ZFHX3: variants seen among roughly 807,000 people sequenced by gnomAD.
ZFHX3 encodes zinc finger homeobox protein 3.
Under a neutral mutation model 279.1 loss-of-function variants are expected in ZFHX3, and 42 were observed. The ratio of observed to expected loss-of-function variants is 0.15; its 90% CI spans 0.12 to 0.19. The LOEUF is 0.19. Among genes scored for constraint, ZFHX3 ranks in the 10% least tolerant of loss-of-function variants. The pLI, the probability that ZFHX3 is intolerant of heterozygous loss-of-function variation, is 1.00. For missense variants in ZFHX3, 4,981 were observed against 4,754.0 expected, an observed-to-expected ratio of 1.05 and a Z score of -1.40; for synonymous variants, 2,293 against 1,957.8, an observed-to-expected ratio of 1.17 and a Z score of -4.52.
intron 1 of ZFHX3, among the ~76,000 whole-genome samples, chr16:73,857,326 GA>G (rs1416936831): frequency 2.6e-5 from 4 of 152,154 alleles, no homozygotes; most frequent in South Asian, 2.1e-4. Flanking sequence ...GAGAATAAAT[GA>G]GTAAAGATGG....
intron 3 of ZFHX3, among the ~76,000 whole-genome samples, chr16:73,385,291 G>T (rs2016879592): frequency 6.6e-6 from 1 of 152,078 alleles, no homozygotes; most frequent in South Asian, 2.1e-4. Flanking sequence ...ATTCAGATAG[G>T]AAAAATTACT....
chr16:72,893,167 A>G (rs2038815230), intron 3 of ZFHX3, among the ~76,000 whole-genome samples: 1 of 152,242 alleles, frequency 6.6e-6, no homozygotes, highest in Non-Finnish European at 1.5e-5. Flanking sequence ...AACTGAGTGA[A>G]TAAAAGATGG....
chr16:73,560,293 G>A (rs1372275879), intron 2 of ZFHX3, among the ~76,000 whole-genome samples: 1 of 152,060 alleles, frequency 6.6e-6, no homozygotes, highest in Non-Finnish European at 1.5e-5. Flanking sequence ...TCCTTCCGCC[G>A]CTGACATACA....
chr16:73,439,784 AG>A (rs2018054632), intron 3 of ZFHX3, among the ~76,000 whole-genome samples: 1 of 151,032 alleles, frequency 6.6e-6, no homozygotes, highest in Non-Finnish European at 1.5e-5. Flanking sequence ...TTGGAGTTTG[AG>A]GGGCTCAGAG....
intron 3 of ZFHX3, among the ~76,000 whole-genome samples, chr16:73,361,672 G>A (rs1048758487): frequency 1.3e-5 from 2 of 152,156 alleles, no homozygotes; most frequent in Admixed American, 1.3e-4. Flanking sequence ...CACTGTAAAA[G>A]TTAGCAAGTT....
At chr16:73,146,204 C>T (rs971391777) in intron 5 of ZFHX3, among the ~76,000 whole-genome samples, 3 of 151,976 alleles carry the variant, frequency 2.0e-5, no homozygotes, top group South Asian at 2.1e-4. Context: ...CTGAGATGGG[C>T]GGATCACAAG....
chr16:72,953,869 C>A (rs924100870), intron 2 of ZFHX3, among the ~76,000 whole-genome samples: 1 of 152,148 alleles, frequency 6.6e-6, no homozygotes, highest in Admixed American at 6.5e-5. Context: ...GCCTGGCCAG[C>A]ATTCTAGGCT....
At chr16:73,478,316 A>C (rs776623785) in intron 2 of ZFHX3, among the ~76,000 whole-genome samples, 5 of 151,870 alleles carry the variant, frequency 3.3e-5, no homozygotes, top group South Asian at 2.1e-4. Flanking sequence ...GCCATATGAC[A>C]TGCCTGAACA....
chr16:73,690,394 C>A (rs2053137030), intron 1 of ZFHX3, among the ~76,000 whole-genome samples: 1 of 152,158 alleles, frequency 6.6e-6, no homozygotes, highest in Non-Finnish European at 1.5e-5. Context: ...AAGAAAATTT[C>A]AAATCAATTT....
chr16:73,212,161 A>T (rs2012042424), intron 5 of ZFHX3, among the ~76,000 whole-genome samples: 1 of 139,670 alleles, frequency 7.2e-6, no homozygotes, highest in Non-Finnish European at 1.5e-5. Context: ...GATAAGCAAA[A>T]AGAAAAAAAA....
intron 1 of ZFHX3, among the ~76,000 whole-genome samples, chr16:72,968,061 A>T (rs930412105): frequency 6.6e-6 from 1 of 151,956 alleles, no homozygotes; most frequent in Non-Finnish European, 1.5e-5. Flanking sequence ...CCTGGCAGAC[A>T]CCACCTTCAT....
Position 73,134,895 on chromosome 16 carries a change from T to G in ZFHX3, c.-1023-3801A>C, listed in dbSNP as rs572507503. On this transcript the variant is annotated intron_variant, in intron 6 of 17. Transcript: ENST00000641206. ...CTTCTCCCTTCTAGCATGAGAATGCTTTGAAGTCAGGCCCAAGCAGCAACT... is the reference window on the plus strand; with the variant it reads ...CTTCTCCCTTCTAGCATGAGAATGCGTTGAAGTCAGGCCCAAGCAGCAACT... Among the ~76,000 whole-genome samples, 354 of 152,244 alleles carry G rather than the reference T, an allele frequency of 2.3e-3. 2 individuals carry two copies. The highest frequency in any genetic ancestry group is 7.9e-3 in the African/African-American group (329 of 41,550).
intron 3 of ZFHX3, among the ~76,000 whole-genome samples, chr16:73,336,699 G>A (rs1013653471): frequency 2.0e-5 from 3 of 151,996 alleles, no homozygotes; most frequent in African/African-American, 4.8e-5. Flanking sequence ...ATGAATATAC[G>A]TGCACATGTG....
At chr16:73,670,365 A>C (rs1597057732) in intron 2 of ZFHX3, among the ~76,000 whole-genome samples, 1 of 152,360 alleles carries the variant, frequency 6.6e-6, no homozygotes, top group South Asian at 2.1e-4. Flanking sequence ...AAATTATAAA[A>C]GACGAAATGG....
intron 7 of ZFHX3, among the ~76,000 whole-genome samples, chr16:72,803,076 A>G (rs2036158659): frequency 6.6e-6 from 1 of 152,218 alleles, no homozygotes; most frequent in African/African-American, 2.4e-5. Context: ...TCAAGCCTGT[A>G]ATCCCAGCAC....
At chr16:73,730,962 A>T (rs2142249055) in intron 1 of ZFHX3, among the ~76,000 whole-genome samples, 1 of 152,316 alleles carries the variant, frequency 6.6e-6, no homozygotes, top group East Asian at 1.9e-4. Context: ...AAGACAGCCG[A>T]GGAGGAAGAG....
chr16:72,797,507 TTGC>T lies in ZFHX3; in HGVS notation c.5172_5174del (p.Gln1741del), dbSNP rs1206297403. On this transcript the variant is annotated inframe_deletion, in exon 9 of 10. Coordinates refer to ENST00000268489, the MANE Select transcript of ZFHX3 (RefSeq NM_006885.4). ...GTTGTTGCTGTTGCTGCTGCTGTTG[TTGC>T]TGCTGCCTGGATGCAATCATATCTG... 3 of 1,613,756 alleles carry T rather than the reference TTGC, an allele frequency of 1.9e-6. No homozygotes were observed. The highest frequency in any genetic ancestry group is 2.7e-5 in the African/African-American group (2 of 74,920).
At chr16:73,355,698 A>G (rs1042858596) in intron 3 of ZFHX3, among the ~76,000 whole-genome samples, 14 of 152,202 alleles carry the variant, frequency 9.2e-5, no homozygotes, top group Non-Finnish European at 1.9e-4. Context: ...ATTGAATTCA[A>G]CTGCTCCCTC....
chr16:72,888,803 G>C (rs2038695089), intron 4 of ZFHX3, among the ~76,000 whole-genome samples: 1 of 152,184 alleles, frequency 6.6e-6, no homozygotes, highest in African/African-American at 2.4e-5. Flanking sequence ...AGAGGAAATG[G>C]GTTGTAGGAG....
Sources: gnomAD v4.1 joint callset for allele counts (sites outside exome capture counted in the v4.1 genomes callset) on GRCh38, gnomAD v4.1.1 for gene constraint, MANE v1.5 for transcripts, NCBI Gene and HGNC (gene_info 2026-07-23, HGNC 2026-07-21) for gene names.